The following FGF14 variants were observed in gnomAD, a reference collection of about 807,000 sequenced individuals.
FGF14 encodes the protein fibroblast growth factor 14, also known as fibroblast growth factor homologous factor 4.
In FGF14, 5 loss-of-function variants were observed where a neutral mutation model predicts 25.5. That is an observed-to-expected ratio of 0.20 (90% CI 0.10 to 0.41). The LOEUF is 0.41. FGF14 is among the 10% of genes least tolerant of loss of function. The probability of loss-of-function intolerance (pLI) is 1.00; values close to 1 mark genes in which losing one functional copy is unlikely to be tolerated. For missense variants in FGF14, 222 were observed against 320.1 expected, an observed-to-expected ratio of 0.69 and a Z score of 2.34; for synonymous variants, 138 against 118.3, an observed-to-expected ratio of 1.17 and a Z score of -1.08.
At chr13:102,058,817 T>A (rs2042549983) in intron 1 of FGF14, among the ~76,000 whole-genome samples, 1 of 152,118 alleles carries the variant, frequency 6.6e-6, no homozygotes, top group Non-Finnish European at 1.5e-5. Context: ...TTTTTCTGAG[T>A]CCAAATCCAA....
intron 1 of FGF14, among the ~76,000 whole-genome samples, chr13:102,046,499 A>G (rs886517506): frequency 3.3e-5 from 5 of 152,196 alleles, no homozygotes; most frequent in African/African-American, 1.2e-4. Flanking sequence ...TCAAATAGGA[A>G]AAGTGAGTAT....
chr13:101,963,366 A>G (rs1458559447), intron 1 of FGF14, among the ~76,000 whole-genome samples: 1 of 152,104 alleles, frequency 6.6e-6, no homozygotes, highest in Non-Finnish European at 1.5e-5. Flanking sequence ...TACTAGATAT[A>G]CTGAGTTGCT....
intron 3 of FGF14, among the ~76,000 whole-genome samples, chr13:101,854,403 AGAG>A (rs925462559): frequency 3.9e-5 from 6 of 152,054 alleles, no homozygotes; most frequent in Non-Finnish European, 7.4e-5. Flanking sequence ...ACTGTCAGAG[AGAG>A]GAGAATACTG....
intron 1 of FGF14, chr13:102,401,365 G>T: frequency 9.6e-7 from 1 of 1,039,860 alleles, no homozygotes; most frequent in Non-Finnish European, 1.5e-6. Context: ...CTGGTTCCTG[G>T]TATGTTTCCC....
At chr13:102,120,945 C>G (rs1225712450) in intron 1 of FGF14, among the ~76,000 whole-genome samples, 2 of 152,132 alleles carry the variant, frequency 1.3e-5, no homozygotes, top group African/African-American at 4.8e-5. Context: ...CTCAGGTGAT[C>G]CGCCTGCCTC....
At chr13:102,084,760 C>T (rs1165959345) in intron 1 of FGF14, among the ~76,000 whole-genome samples, 4 of 152,142 alleles carry the variant, frequency 2.6e-5, no homozygotes, top group Non-Finnish European at 2.9e-5. Flanking sequence ...TCAGCACAAG[C>T]GAAATGCACT....
chr13:101,923,581 A>G (rs1321420141), intron 1 of FGF14, among the ~76,000 whole-genome samples: 27 of 152,138 alleles, frequency 1.8e-4, no homozygotes, highest in Non-Finnish European at 8.8e-5. Flanking sequence ...TCAAGATCAC[A>G]TTTTTTTCCG....
At chr13:102,149,791 G>A (rs2047004403) in intron 1 of FGF14, among the ~76,000 whole-genome samples, 1 of 152,172 alleles carries the variant, frequency 6.6e-6, no homozygotes, top group Admixed American at 6.5e-5. Flanking sequence ...TGTAAGGGGA[G>A]TTAACGAATT....
intron 1 of FGF14, among the ~76,000 whole-genome samples, chr13:102,025,418 C>T (rs1041076952): frequency 5.3e-5 from 8 of 151,804 alleles, no homozygotes; most frequent in African/African-American, 1.9e-4. Flanking sequence ...AAGTATTGTA[C>T]TTTTTTTCTT....
chr13:101,744,879 T>C (rs1408043724), intron 3 of FGF14, among the ~76,000 whole-genome samples: 2 of 152,070 alleles, frequency 1.3e-5, no homozygotes. Context: ...TTGGGGTTCA[T>C]GAATAATCAA....
intron 1 of FGF14, among the ~76,000 whole-genome samples, chr13:102,289,219 T>C (rs1287174220): frequency 6.6e-6 from 1 of 152,172 alleles, no homozygotes; most frequent in African/African-American, 2.4e-5. Flanking sequence ...AGGTTTTAAT[T>C]CCACCATGGG....
At chr13:101,897,512 C>T (rs1277545530) in intron 1 of FGF14, among the ~76,000 whole-genome samples, 2 of 152,092 alleles carry the variant, frequency 1.3e-5, no homozygotes, top group Admixed American at 6.6e-5. Context: ...CACCTGTTGC[C>T]CAGAGTTATA....
Position 101,916,661 on chromosome 13 carries a change from G to A in FGF14, c.-16C>T, listed in dbSNP as rs757959492. On this transcript the variant is annotated 5_prime_UTR_variant, in exon 1 of 5. Transcript: ENST00000376143. ...CCGCGGCCATGGTGGCCCCGGGAACGGGTCCGGGGAGGGAGGGCGCGGGAG... is the reference window on the plus strand; with the variant it reads ...CCGCGGCCATGGTGGCCCCGGGAACAGGTCCGGGGAGGGAGGGCGCGGGAG... 5.3e-6 allele frequency: 8 copies of A among 1,522,182 alleles called. No individual in the cohort carries two copies. Among genetic ancestry groups the A allele is most frequent in the Non-Finnish European group, 6.2e-6 (7 of 1,132,198 alleles). 94.3% of individuals were successfully genotyped at this position (1,522,182 alleles called of 1,614,324 possible). A position where few individuals can be genotyped will look rare whatever the true frequency, so the allele number is the denominator to read the frequency against.
At chr13:101,827,358 G>C (rs1382968277) in intron 3 of FGF14, among the ~76,000 whole-genome samples, 2 of 151,922 alleles carry the variant, frequency 1.3e-5, no homozygotes, top group African/African-American at 2.4e-5. Context: ...GTTAAGTAGT[G>C]TAAGGATAAT....
chr13:101,943,820 A>ATATATATATATATATATAT (rs1555324427), intron 1 of FGF14, among the ~76,000 whole-genome samples: 1 of 121,182 alleles, frequency 8.3e-6, no homozygotes, highest in African/African-American at 6.1e-5. Flanking sequence ...CTTAAAAAAA[A>ATATATATATATATATATAT]AAAAAAATAT....
intron 1 of FGF14, among the ~76,000 whole-genome samples, chr13:102,123,534 C>T (rs1018963319): frequency 1.6e-4 from 24 of 149,890 alleles, no homozygotes; most frequent in African/African-American, 5.8e-4. Flanking sequence ...AGAAATAGTA[C>T]TAAACAAATT....
chr13:101,763,867 C>CAAAT (rs1436399485), intron 3 of FGF14, among the ~76,000 whole-genome samples: 1 of 151,652 alleles, frequency 6.6e-6, no homozygotes, highest in African/African-American at 2.4e-5. Context: ...TCTCAAAAAA[C>CAAAT]AAACAAACAA....
At chr13:102,353,350 T>C (rs574580675) in intron 1 of FGF14, among the ~76,000 whole-genome samples, 8 of 152,326 alleles carry the variant, frequency 5.3e-5, no homozygotes, top group South Asian at 4.1e-4. Flanking sequence ...TCATCTAAAA[T>C]ACTTGGTGAT....
At position 101,895,628 on chromosome 13, in the gene FGF14, G is replaced by A. The variant is rs115277823; in HGVS notation, c.194-20332C>T. ...GTGCAAACATACCTGCCCGAGAGAA[G>A]TAACTTTAAAAAGGTAAAACGTAAG... On this transcript the variant is annotated intron_variant, in intron 1 of 4. Coordinates refer to ENST00000376143, the MANE Select transcript of FGF14 (RefSeq NM_004115.4). Among the ~76,000 whole-genome samples, 1,248 of 152,266 alleles carry A rather than the reference G, an allele frequency of 8.2e-3. 14 individuals carry two copies. Among genetic ancestry groups the A allele is most frequent in the African/African-American group, 0.028 (1,175 of 41,560 alleles).
Sources: allele counts gnomAD v4.1 joint callset (sites outside exome capture counted in the v4.1 genomes callset), GRCh38; gene constraint gnomAD v4.1.1; transcripts MANE v1.5; gene names NCBI Gene and HGNC (gene_info 2026-07-23, HGNC 2026-07-21).